STXBP5: variants seen among roughly 807,000 people sequenced by gnomAD.
STXBP5 encodes syntaxin binding protein 5.
Under a neutral mutation model 152.4 loss-of-function variants are expected in STXBP5, and 50 were observed. The observed-to-expected ratio is 0.33, with a 90% CI of 0.26 to 0.42. The LOEUF (loss-of-function observed/expected upper bound fraction) is 0.42, where lower values mean the gene tolerates loss of function less well. STXBP5 is among the 10% of genes least tolerant of loss of function. STXBP5 has a pLI of 1.00. For missense variants in STXBP5, 1,167 were observed against 1,388.6 expected, an observed-to-expected ratio of 0.84 and a Z score of 2.54; for synonymous variants, 492 against 494.7, an observed-to-expected ratio of 0.99 and a Z score of 0.07.
At chr6:147,228,890 A>G (rs1005009012) in intron 2 of STXBP5, among the ~76,000 whole-genome samples, 2 of 152,080 alleles carry the variant, frequency 1.3e-5, no homozygotes, top group African/African-American at 4.8e-5. Context: ...TACAAGGGAA[A>G]GATATTTTTC....
chr6:147,265,811 T>G (rs756241866), intron 6 of STXBP5, among the ~76,000 whole-genome samples: 15 of 151,878 alleles, frequency 9.9e-5, no homozygotes, highest in Non-Finnish European at 2.1e-4. Context: ...GTAAACAAGA[T>G]AAAAACTAAT....
intron 2 of STXBP5, among the ~76,000 whole-genome samples, chr6:147,215,305 T>A (rs900583741): frequency 7.9e-5 from 12 of 152,248 alleles, no homozygotes; most frequent in African/African-American, 2.7e-4. Flanking sequence ...TAAACTTCAT[T>A]AGTAGCACTT....
At chr6:147,286,254 G>A (rs1334266814) in intron 8 of STXBP5, among the ~76,000 whole-genome samples, 2 of 151,958 alleles carry the variant, frequency 1.3e-5, no homozygotes, top group African/African-American at 4.8e-5. Context: ...CTGTAAATTG[G>A]GCTGCTAGAG....
intron 25 of STXBP5, among the ~76,000 whole-genome samples, chr6:147,372,406 C>CTTT (rs1583009383): frequency 0.035 from 1,358 of 39,106 alleles, 629 homozygotes; most frequent in Non-Finnish European, 0.048. Flanking sequence ...CCGTCCTTTT[C>CTTT]CTTTTTTTTT....
chr6:147,331,748 T>C (rs1160793517), intron 18 of STXBP5, among the ~76,000 whole-genome samples: 1 of 144,900 alleles, frequency 6.9e-6, no homozygotes, highest in Non-Finnish European at 1.5e-5. Context: ...CATTTTTAAA[T>C]CAGGGCATTA....
At chr6:147,365,335 A>G (rs1488450138) in intron 25 of STXBP5, among the ~76,000 whole-genome samples, 2 of 152,192 alleles carry the variant, frequency 1.3e-5, no homozygotes, top group Admixed American at 6.5e-5. Flanking sequence ...ATAAACCTTA[A>G]AATTTTCCTT....
At chr6:147,316,920 TA>T (rs1161912927) in intron 16 of STXBP5, among the ~76,000 whole-genome samples, 1 of 152,268 alleles carries the variant, frequency 6.6e-6, no homozygotes, top group Non-Finnish European at 1.5e-5. Flanking sequence ...GATGAAGTTT[TA>T]TTTTTTCTGT....
chr6:147,281,675 A>T lies in STXBP5; in HGVS notation c.838+3471A>T, dbSNP rs143311508. ...CTTAGTCTTAAAAAACATTTACAGT[A>T]TTACCTTGATTGCCAAGAACTGATT... is the stretch of plus-strand genomic sequence containing the variant. On this transcript the variant is annotated intron_variant, in intron 8 of 27. Transcript: ENST00000321680. 3.3e-4 allele frequency among the ~76,000 whole-genome samples: 51 copies of T among 152,336 alleles called. 1 individual carries two copies. The highest frequency in any genetic ancestry group is 1.1e-3 in the African/African-American group (46 of 41,572).
Position 147,260,720 on chromosome 6 carries a change from C to T in STXBP5, c.537C>T (p.Tyr179=), listed in dbSNP as rs750040194. 99 of 1,613,320 alleles carry T rather than the reference C, an allele frequency of 6.1e-5. No homozygotes were observed. The highest frequency in any genetic ancestry group is 1.6e-4 in the South Asian group (15 of 91,056). The change falls in exon 5 of 28, where the codon TAC becomes TAT. Residue 179 remains tyrosine (Y), a synonymous_variant. Coordinates refer to ENST00000321680, the MANE Select transcript of STXBP5 (RefSeq NM_001127715.4). ...TGGAGTCCTTCACACTCTCAGGCTACGTCATTATGTGGAATAAAGCCATTG... is the reference window on the plus strand; with the variant it reads ...TGGAGTCCTTCACACTCTCAGGCTATGTCATTATGTGGAATAAAGCCATTG... The part of the protein sequence containing the change: ...VNVESFTLSG[Y]VIMWNKAIEL...
Position 147,384,868 on chromosome 6 carries a change from T to TAGGAAAGAACAGTA in STXBP5, c.*113_*114insAGGAAAGAACAGTA. On this transcript the variant is annotated 3_prime_UTR_variant, in exon 28 of 28. Transcript: ENST00000321680. ...GGATGTTCGTCACTGAATACTGTTC[T>TAGGAAAGAACAGTA]TTCCTAGCACAGTCATGCACTGTTT... The TAGGAAAGAACAGTA allele has an allele frequency of 1.8e-6, 2 of 1,096,138 alleles. No individual in the cohort carries two copies. Among genetic ancestry groups the TAGGAAAGAACAGTA allele is most frequent in the Non-Finnish European group, 2.7e-6 (2 of 731,334 alleles). 67.9% of individuals were successfully genotyped at this position (1,096,138 alleles called of 1,614,324 possible).
At chr6:147,360,887 G>A (rs143437970) in intron 23 of STXBP5, among the ~76,000 whole-genome samples, 6 of 152,170 alleles carry the variant, frequency 3.9e-5, no homozygotes, top group African/African-American at 1.2e-4. Context: ...TCTATCTCTT[G>A]TTTGTGCCGA....
rs535570267 is a variant in STXBP5 at position 147,384,863 on chromosome 6, T to C, written c.*108T>C. The C allele has an allele frequency of 8.9e-7, 1 of 1,127,908 alleles. No individual in the cohort carries two copies. Among genetic ancestry groups the C allele is most frequent in the Non-Finnish European group, 1.3e-6 (1 of 758,384 alleles). The allele number at this position is 1,127,908 out of a possible 1,614,324, so 69.9% of individuals were successfully genotyped here. ...TAAAGGGATGTTCGTCACTGAATAC[T>C]GTTCTTTCCTAGCACAGTCATGCAC... On this transcript the variant is annotated 3_prime_UTR_variant, in exon 28 of 28. Transcript: ENST00000321680.
At chr6:147,290,317 T>A (rs762769457) in intron 8 of STXBP5, among the ~76,000 whole-genome samples, 1 of 152,156 alleles carries the variant, frequency 6.6e-6, no homozygotes, top group Non-Finnish European at 1.5e-5. Context: ...ACAAGTGCTA[T>A]GGAGAAAAAA....
At chr6:147,234,410 T>A (rs1399351163) in intron 2 of STXBP5, among the ~76,000 whole-genome samples, 4 of 151,852 alleles carry the variant, frequency 2.6e-5, no homozygotes, top group African/African-American at 9.7e-5. Flanking sequence ...CATACTTTAT[T>A]AATTTAGAGT....
chr6:147,332,792 T>C (rs1319258308), intron 18 of STXBP5, among the ~76,000 whole-genome samples: 5 of 152,204 alleles, frequency 3.3e-5, no homozygotes, highest in African/African-American at 4.8e-5. Flanking sequence ...AACTAAATCC[T>C]CTCTATCCAC....
Position 147,335,415 on chromosome 6 carries a change from A to G in STXBP5, c.2146+1193A>G, listed in dbSNP as rs115770717. On this transcript the variant is annotated intron_variant, in intron 19 of 27. Transcript: ENST00000321680. ...CCAAAATCGGTAAATGCATTTGTCA[A>G]TATGTTAAGGATATAAGCCAGGGTG... Among the ~76,000 whole-genome samples, 716 of 152,310 alleles carry G rather than the reference A, an allele frequency of 4.7e-3. 8 individuals carry two copies. The highest frequency in any genetic ancestry group is 0.015 in the African/African-American group (621 of 41,572).
chr6:147,378,814 A>G (rs1390856236), intron 26 of STXBP5, among the ~76,000 whole-genome samples: 1 of 152,198 alleles, frequency 6.6e-6, no homozygotes, highest in South Asian at 2.1e-4. Context: ...TTAAATTACT[A>G]TTTGTGTAGT....
intron 16 of STXBP5, among the ~76,000 whole-genome samples, chr6:147,323,607 G>A (rs1783053726): frequency 6.6e-6 from 1 of 152,092 alleles, no homozygotes; most frequent in Non-Finnish European, 1.5e-5. Context: ...GGCCAGGCTG[G>A]TCTCGAACTC....
intron 26 of STXBP5, among the ~76,000 whole-genome samples, chr6:147,374,700 G>A (rs943374231): frequency 3.3e-5 from 5 of 152,268 alleles, no homozygotes; most frequent in South Asian, 2.1e-4. Flanking sequence ...AGCCCAGAGC[G>A]GAGAGCCTGA....
Sources: allele counts gnomAD v4.1 joint callset (sites outside exome capture counted in the v4.1 genomes callset), GRCh38; gene constraint gnomAD v4.1.1; transcripts MANE v1.5; gene names NCBI Gene and HGNC (gene_info 2026-07-23, HGNC 2026-07-21).